NF2: variants seen among roughly 807,000 people sequenced by gnomAD.
NF2 encodes NF2, moesin-ezrin-radixin like (MERLIN) tumor suppressor.
Under a neutral mutation model 83.7 loss-of-function variants are expected in NF2, and 8 were observed. The ratio of observed to expected loss-of-function variants is 0.10; its 90% CI spans 0.06 to 0.17. The LOEUF (loss-of-function observed/expected upper bound fraction) is 0.17. Among genes scored for constraint, NF2 ranks in the 10% least tolerant of loss-of-function variants. NF2 has a pLI of 1.00. For missense variants in NF2, 533 were observed against 744.4 expected (o/e 0.72, Z 3.31); for synonymous variants, 266 against 269.6 (o/e 0.99, Z 0.13).
chr22:29,657,260 A>G (rs933623020), intron 6 of NF2, among the ~76,000 whole-genome samples: 14 of 152,050 alleles, frequency 9.2e-5, no homozygotes, highest in African/African-American at 2.9e-4. Context: ...ACTCAGCATC[A>G]TGTTGTCAGA....
At chr22:29,654,959 G>A (rs547660623) in intron 5 of NF2, among the ~76,000 whole-genome samples, 28 of 152,258 alleles carry the variant, frequency 1.8e-4, no homozygotes, top group South Asian at 1.0e-3. Context: ...TTTTTCTAGC[G>A]TGGTTGTTTT....
chr22:29,622,424 T>C (rs898368824), intron 1 of NF2, among the ~76,000 whole-genome samples: 13 of 152,324 alleles, frequency 8.5e-5, no homozygotes, highest in Non-Finnish European at 1.5e-4. Flanking sequence ...AAGCATTGTC[T>C]AGTTGCATAT....
rs1185977513 is a variant in NF2, at chr22:29,642,271, G to A, written c.433G>A (p.Ala145Thr). 1.9e-6 allele frequency: 3 copies of A among 1,614,010 alleles called. No individual in the cohort carries two copies. The highest frequency in any genetic ancestry group is 1.1e-5 in the South Asian group (1 of 91,088). ...PEASVLLASY[A>T]VQAKYGDYDP... The stretch of plus-strand genomic sequence containing the variant: ...GGCTTCTGTGCTCCTGGCTTCTTAC[G>A]CCGTCCAGGCCAAGGTAGGCTCAAA... Residue 145 changes from alanine to threonine, a missense_variant, in exon 4 of 16, where the codon GCC (alanine) becomes ACC (threonine). Transcript: ENST00000338641.
chr22:29,697,715 C>T lies in NF2; in HGVS notation c.*2913C>T, dbSNP rs1303936744. 3 of 174,708 alleles carry T rather than the reference C, an allele frequency of 1.7e-5. No individual in the cohort carries two copies. The highest frequency in any genetic ancestry group is 3.7e-5 in the Non-Finnish European group (3 of 80,998). The allele number at this position is 174,708 out of a possible 1,614,324, so 10.8% of individuals were successfully genotyped here. On this transcript the variant is annotated 3_prime_UTR_variant, in exon 16 of 16. Transcript: ENST00000338641. ...CCGAGTAGCTGGGATTACAGGCACG[C>T]ACCTCCACGTCCGGCTAATTTTGTA...
intron 15 of NF2, chr22:29,684,005 C>A: frequency 1.2e-6 from 1 of 821,292 alleles, no homozygotes; most frequent in Non-Finnish European, 1.5e-6. Context: ...GTCTTCCCTG[C>A]AGTTTCTGCT....
intron 13 of NF2, among the ~76,000 whole-genome samples, chr22:29,677,760 G>T (rs1021066621): frequency 9.2e-5 from 14 of 152,174 alleles, no homozygotes; most frequent in African/African-American, 3.4e-4. Flanking sequence ...GCCTCTGTTC[G>T]CTCCCTGGCT....
rs1016255108 is a variant in NF2 at position 29,656,440 on chromosome 22, TCTCA to T, written c.599+769_599+772del. Among the ~76,000 whole-genome samples the T allele has an allele frequency of 9.3e-5, 12 of 129,150 alleles. 1 individual carries two copies. In the South Asian group the frequency reaches 2.2e-3, roughly 24 times the overall value. The allele number at this position is 129,150 out of a possible 152,430, so 84.7% of individuals were successfully genotyped here. ...TTTTTTTTTTTTTTTTGAGACGGAG[TCTCA>T]CTCAGTCACCCAGGCTGGAGTGCAG... On this transcript the variant is annotated intron_variant, in intron 6 of 15. Transcript: ENST00000338641.
intron 4 of NF2, among the ~76,000 whole-genome samples, chr22:29,646,179 T>A (rs2065977191): frequency 1.3e-5 from 2 of 152,210 alleles, no homozygotes; most frequent in Admixed American, 1.3e-4. Flanking sequence ...GTTTTGCAGA[T>A]GAGGAATTTA....
chr22:29,617,634 A>G (rs1309470546), intron 1 of NF2, among the ~76,000 whole-genome samples: 1 of 152,244 alleles, frequency 6.6e-6, no homozygotes, highest in African/African-American at 2.4e-5. Flanking sequence ...TAGTAGTGAC[A>G]TTCAGAGAGG....
intron 11 of NF2, among the ~76,000 whole-genome samples, chr22:29,672,311 T>C (rs990706843): frequency 6.1e-5 from 9 of 146,674 alleles, no homozygotes; most frequent in South Asian, 2.2e-4. Context: ...ACATGTCTCT[T>C]TTTTTTTTTT....
At chr22:29,688,244 C>G (rs1351231922) in intron 15 of NF2, among the ~76,000 whole-genome samples, 1 of 152,190 alleles carries the variant, frequency 6.6e-6, no homozygotes, top group East Asian at 1.9e-4. Flanking sequence ...TTTGGAGATG[C>G]CTGAGGATAT....
chr22:29,685,631 G>A (rs544153158), intron 15 of NF2, among the ~76,000 whole-genome samples: 2 of 151,938 alleles, frequency 1.3e-5, no homozygotes, highest in South Asian at 2.1e-4. Context: ...GGCTGGTCTC[G>A]AACTCCTGAG....
Position 29,695,223 on chromosome 22 carries a change from G to C in NF2, c.*421G>C. 2 of 374,514 alleles carry C rather than the reference G, an allele frequency of 5.3e-6. No individual in the cohort carries two copies. Among genetic ancestry groups the C allele is most frequent in the Non-Finnish European group, 1.0e-5 (2 of 199,668 alleles). 23.2% of individuals were successfully genotyped at this position (374,514 alleles called of 1,614,324 possible). On this transcript the variant is annotated 3_prime_UTR_variant, in exon 16 of 16. Coordinates refer to ENST00000338641, the MANE Select transcript of NF2 (RefSeq NM_000268.4). This position sits in a 1 kb window ranked among gnomAD's most constrained non-coding sequence, Gnocchi z 5.4. ...TCATCCCCACCCCGCCCAGGGTTCC[G>C]GAACATTCATTCCCCCACCGGTGAG... is the stretch of plus-strand genomic sequence containing the variant.
intron 12 of NF2, among the ~76,000 whole-genome samples, chr22:29,674,330 G>A (rs2066896675): frequency 6.6e-6 from 1 of 152,226 alleles, no homozygotes; most frequent in Non-Finnish European, 1.5e-5. Context: ...ATGAGGATCT[G>A]CACCAGGGTG....
chr22:29,634,176 T>C (rs1455415712), intron 1 of NF2, among the ~76,000 whole-genome samples: 1 of 152,182 alleles, frequency 6.6e-6, no homozygotes, highest in Non-Finnish European at 1.5e-5. Context: ...TGACTCAGTT[T>C]CCTTATTTGC....
At chr22:29,681,771 A>G (rs1489554653) in intron 15 of NF2, among the ~76,000 whole-genome samples, 170 bp downstream of exon 15, 1 of 152,210 alleles carries the variant, frequency 6.6e-6, no homozygotes, top group East Asian at 1.9e-4. Flanking sequence ...TTAATCTGCC[A>G]ATGACTATGA....
At chr22:29,647,829 G>A (rs1222773228) in intron 4 of NF2, among the ~76,000 whole-genome samples, 1 of 152,100 alleles carries the variant, frequency 6.6e-6, no homozygotes, top group Non-Finnish European at 1.5e-5. Context: ...CTCTTCTGAG[G>A]GAGAGGTAGT....
Position 29,696,145 on chromosome 22 carries a change from C to T in NF2, c.*1343C>T, listed in dbSNP as rs917594890. 4.6e-6 allele frequency: 1 copy of T among 217,534 alleles called. No homozygotes were observed. Among genetic ancestry groups the T allele is most frequent in the African/African-American group, 2.3e-5 (1 of 43,132 alleles). 13.5% of individuals were successfully genotyped at this position (217,534 alleles called of 1,614,324 possible). On this transcript the variant is annotated 3_prime_UTR_variant, in exon 16 of 16. Coordinates refer to ENST00000338641, the MANE Select transcript of NF2 (RefSeq NM_000268.4). ...TGGGAGTGTGGTGGCACAATCTCGG[C>T]TCACTGCAACCTCCACCTCCTGAGT...
chr22:29,644,290 G>A (rs1376805633), intron 4 of NF2, among the ~76,000 whole-genome samples: 6 of 145,238 alleles, frequency 4.1e-5, no homozygotes, highest in African/African-American at 1.0e-4. Flanking sequence ...ACGGGGCGGC[G>A]GGGCAGAGGC....
Sources: allele counts gnomAD v4.1 joint callset (sites outside exome capture counted in the v4.1 genomes callset), GRCh38; gene constraint gnomAD v4.1.1; non-coding constraint Gnocchi (gnomAD v3.1); transcripts MANE v1.5; gene names NCBI Gene and HGNC (gene_info 2026-07-23, HGNC 2026-07-21).